Variants in ASAP1 observed in about 807,000 individuals in gnomAD.
ASAP1 encodes the protein arf-GAP with SH3 domain, ANK repeat and PH domain-containing protein 1.
ASAP1 carries 43 observed loss-of-function variants against 145.2 expected under a neutral mutation model. The observed-to-expected ratio is 0.30, with a 90% CI of 0.23 to 0.38. The LOEUF (loss-of-function observed/expected upper bound fraction) is 0.38. Ranked by LOEUF, ASAP1 falls within the 10% of genes least tolerant of loss-of-function variation. The probability of loss-of-function intolerance (pLI) is 1.00; values close to 1 mark genes in which losing one functional copy is unlikely to be tolerated. For missense variants in ASAP1, 1,018 were observed against 1,355.3 expected (o/e 0.75, Z 3.91); for synonymous variants, 546 against 515.5 (o/e 1.06, Z -0.80).
chr8:130,417,998 T>A (rs1829558823), intron 1 of ASAP1, among the ~76,000 whole-genome samples: 1 of 152,070 alleles, frequency 6.6e-6, no homozygotes, highest in Admixed American at 6.5e-5. Context: ...TGTGCCCAGA[T>A]GGACACGGGG....
At chr8:130,088,427 T>C (rs1332152935) in intron 25 of ASAP1, among the ~76,000 whole-genome samples, 1 of 152,048 alleles carries the variant, frequency 6.6e-6, no homozygotes, top group Non-Finnish European at 1.5e-5. Context: ...GTGGGTCCTA[T>C]ATACAATCAC....
chr8:130,099,923 A>G (rs1317337007), intron 24 of ASAP1, among the ~76,000 whole-genome samples: 1 of 152,198 alleles, frequency 6.6e-6, no homozygotes, highest in African/African-American at 2.4e-5. Flanking sequence ...GCTGATGGAC[A>G]TTTAGACTGA....
chr8:130,128,273 A>G lies in ASAP1; in HGVS notation c.1218-183T>C, dbSNP rs143639111. Among the ~76,000 whole-genome samples, 304 of 151,814 alleles carry G rather than the reference A, an allele frequency of 2.0e-3. 1 individual carries two copies. The highest frequency in any genetic ancestry group is 3.4e-3 in the Non-Finnish European group (232 of 67,934). On this transcript the variant is annotated intron_variant, in intron 15 of 29. Transcript: ENST00000518721. ...AAACAAAGAAATCAAACTTGAAGGA[A>G]GGTGAGAGTTAAAGAATGAAAAATG... is the stretch of plus-strand genomic sequence containing the variant.
At chr8:130,317,315 C>T (rs1286957605) in intron 3 of ASAP1, among the ~76,000 whole-genome samples, 1 of 152,166 alleles carries the variant, frequency 6.6e-6, no homozygotes, top group Non-Finnish European at 1.5e-5. Flanking sequence ...CATGATATTC[C>T]TCCCTTCTCA....
rs56194038 is a variant in ASAP1, at chr8:130,359,914, C to T, written c.60-1771G>A. 7.4e-3 allele frequency among the ~76,000 whole-genome samples: 1,127 copies of T among 152,358 alleles called. 5 individuals carry two copies. The highest frequency in any genetic ancestry group is 0.012 in the Non-Finnish European group (820 of 68,040). ...CTGGGATTACAGGCGTGAGCCACCGCGCCCGGCCCATCTTGCACTGTTAAG... is the reference window on the plus strand; with the variant it reads ...CTGGGATTACAGGCGTGAGCCACCGTGCCCGGCCCATCTTGCACTGTTAAG... On this transcript the variant is annotated intron_variant, in intron 2 of 29. Coordinates refer to ENST00000518721, the MANE Select transcript of ASAP1 (RefSeq NM_018482.4).
chr8:130,179,408 G>T, intron 8 of ASAP1, 59 bp from the exon 9 acceptor site: 1 of 1,049,014 alleles, frequency 9.5e-7, no homozygotes, highest in Non-Finnish European at 1.5e-6. Flanking sequence ...CTTCAGCCAT[G>T]GGTTCAGGTG....
chr8:130,371,712 G>A (rs1827222070), intron 2 of ASAP1, among the ~76,000 whole-genome samples: 2 of 152,188 alleles, frequency 1.3e-5, no homozygotes, highest in Admixed American at 1.3e-4. Flanking sequence ...AAAGCAATAT[G>A]ATAAAGAGAG....
At chr8:130,139,221 G>A (rs1490107255) in intron 13 of ASAP1, among the ~76,000 whole-genome samples, 1 of 152,152 alleles carries the variant, frequency 6.6e-6, no homozygotes, top group East Asian at 1.9e-4. Flanking sequence ...AAGCTAGGGG[G>A]TGACTTAATG....
At chr8:130,300,189 G>A (rs901928194) in intron 3 of ASAP1, among the ~76,000 whole-genome samples, 9 of 146,552 alleles carry the variant, frequency 6.1e-5, no homozygotes, top group Non-Finnish European at 9.1e-5. Flanking sequence ...GAGAGAGAGC[G>A]AGCGAGCGAG....
chr8:130,314,843 A>T (rs1823572998), intron 3 of ASAP1, among the ~76,000 whole-genome samples: 1 of 152,246 alleles, frequency 6.6e-6, no homozygotes, highest in African/African-American at 2.4e-5. Flanking sequence ...CAGACTGACC[A>T]CTTTAATTAG....
rs775357008 is a variant in ASAP1 at position 130,115,742 on chromosome 8, G to A, written c.2065-7C>T. 3 of 1,595,264 alleles carry A rather than the reference G, an allele frequency of 1.9e-6. No homozygotes were observed. The highest frequency in any genetic ancestry group is 2.2e-5 in the South Asian group (2 of 90,360). ...CAGATTTAGCCTGGGAAAGCTGGAAGGAACAGCAAATGTGCACCATTTTAA... is the reference window on the plus strand; with the variant it reads ...CAGATTTAGCCTGGGAAAGCTGGAAAGAACAGCAAATGTGCACCATTTTAA... On this transcript the variant is annotated splice_region_variant and splice_polypyrimidine_tract_variant and intron_variant, in intron 22 of 29. Coordinates refer to ENST00000518721, the MANE Select transcript of ASAP1 (RefSeq NM_018482.4).
At chr8:130,170,353 C>T (rs1479210544) in intron 9 of ASAP1, among the ~76,000 whole-genome samples, 2 of 152,102 alleles carry the variant, frequency 1.3e-5, no homozygotes, top group Admixed American at 6.5e-5. Flanking sequence ...CAGGGTTTCA[C>T]CAAGTTGATC....
chr8:130,292,923 A>C (rs370883529), intron 3 of ASAP1, among the ~76,000 whole-genome samples: 4 of 152,334 alleles, frequency 2.6e-5, no homozygotes, highest in African/African-American at 9.6e-5. Flanking sequence ...AAACATTTTA[A>C]AACTCGAATG....
chr8:130,116,262 T>G (rs2097555749), intron 22 of ASAP1, among the ~76,000 whole-genome samples: 1 of 152,206 alleles, frequency 6.6e-6, no homozygotes, highest in African/African-American at 2.4e-5. Context: ...AAGGTGAATG[T>G]GCACAGGAAG....
At chr8:130,126,895 C>A (rs1363115523) in intron 16 of ASAP1, among the ~76,000 whole-genome samples, 1 of 152,344 alleles carries the variant, frequency 6.6e-6, no homozygotes, top group African/African-American at 2.4e-5. Flanking sequence ...CTTGTTCTGA[C>A]TCCTACTAGC....
At chr8:130,092,719 AAC>A (rs1006309765) in intron 24 of ASAP1, among the ~76,000 whole-genome samples, 2 of 152,090 alleles carry the variant, frequency 1.3e-5, no homozygotes, top group African/African-American at 4.8e-5. Context: ...GGGAAAAACA[AAC>A]ACACACACAC....
intron 3 of ASAP1, among the ~76,000 whole-genome samples, chr8:130,353,413 T>C (rs75977351): frequency 0.02 from 3,068 of 152,288 alleles, 99 homozygotes; most frequent in African/African-American, 0.069. Context: ...AATATAAACA[T>C]GAAGAAACAC....
intron 18 of ASAP1, among the ~76,000 whole-genome samples, chr8:130,120,715 C>T (rs765013154): frequency 3.9e-5 from 6 of 152,200 alleles, no homozygotes; most frequent in Non-Finnish European, 8.8e-5. Context: ...GCTCAGGTAT[C>T]ACATGATCAC....
chr8:130,086,598 G>A (rs1006204295), intron 25 of ASAP1, among the ~76,000 whole-genome samples: 7 of 152,142 alleles, frequency 4.6e-5, no homozygotes, highest in African/African-American at 1.2e-4. Flanking sequence ...TAACTCAGGA[G>A]TTTGAGACCA....
Sources: gnomAD v4.1 joint callset for allele counts (sites outside exome capture counted in the v4.1 genomes callset) on GRCh38, gnomAD v4.1.1 for gene constraint, MANE v1.5 for transcripts, NCBI Gene and HGNC (gene_info 2026-07-23, HGNC 2026-07-21) for gene names.